Variants in UTRN observed in about 807,000 individuals in gnomAD.
UTRN encodes the protein utrophin, also known as dystrophin-related protein 1.
UTRN carries 283 observed loss-of-function variants against 463.9 expected under a neutral mutation model. The observed-to-expected ratio is 0.61, with a 90% CI of 0.55 to 0.67. UTRN has a LOEUF of 0.67. Among genes scored for constraint, UTRN ranks in the 30% least tolerant of loss-of-function variants. UTRN has a pLI of 0.00. For missense variants in UTRN, 3,922 were observed against 4,084.3 expected, an observed-to-expected ratio of 0.96 and a Z score of 1.08; for synonymous variants, 1,442 against 1,431.5, an observed-to-expected ratio of 1.01 and a Z score of -0.17.
chr6:144,391,518 A>G (rs927061136), intron 2 of UTRN, among the ~76,000 whole-genome samples: 1 of 152,230 alleles, frequency 6.6e-6, no homozygotes, highest in Admixed American at 6.5e-5. Flanking sequence ...GGTCATAATA[A>G]AGGCAAGTTT....
intron 60 of UTRN, among the ~76,000 whole-genome samples, chr6:144,780,551 C>T (rs1775732205): frequency 6.6e-6 from 1 of 152,100 alleles, no homozygotes; most frequent in South Asian, 2.1e-4. Context: ...AGAGTCATCT[C>T]CACACTCAAT....
chr6:144,514,381 T>G lies in UTRN; in HGVS notation c.5074-269T>G, dbSNP rs146347224. 8.6e-3 allele frequency among the ~76,000 whole-genome samples: 1,310 copies of G among 152,306 alleles called. 8 individuals carry two copies. Among genetic ancestry groups the G allele is most frequent in the Middle Eastern group, 0.037 (11 of 294 alleles). On this transcript the variant is annotated intron_variant, in intron 36 of 74. Coordinates refer to ENST00000367545, the MANE Select transcript of UTRN (RefSeq NM_007124.3). ...ACTTACTTTTGTATTCTCCAATGAGTCTGTCTTACTTCTGTACTCTCCAAT... is the reference window on the plus strand; with the variant it reads ...ACTTACTTTTGTATTCTCCAATGAGGCTGTCTTACTTCTGTACTCTCCAAT...
chr6:144,767,551 C>G (rs77279342), intron 58 of UTRN, among the ~76,000 whole-genome samples: 5,181 of 152,132 alleles, frequency 0.034, 278 homozygotes, highest in African/African-American at 0.12. Context: ...CACTCTCTGC[C>G]CTAGTTTTTT....
At chr6:144,634,848 T>C (rs1776933539) in intron 51 of UTRN, among the ~76,000 whole-genome samples, 3 of 152,216 alleles carry the variant, frequency 2.0e-5, no homozygotes, top group African/African-American at 7.2e-5. Flanking sequence ...TTGTGGTACT[T>C]TCCTTTCTCT....
intron 51 of UTRN, among the ~76,000 whole-genome samples, chr6:144,675,332 A>G (rs924322654): frequency 1.1e-4 from 17 of 152,164 alleles, no homozygotes; most frequent in African/African-American, 4.1e-4. Flanking sequence ...CCAGCCATGG[A>G]TAGTAGCACC....
At chr6:144,716,731 A>G (rs1449763500) in intron 53 of UTRN, among the ~76,000 whole-genome samples, 1 of 152,152 alleles carries the variant, frequency 6.6e-6, no homozygotes, top group Non-Finnish European at 1.5e-5. Context: ...TTGCATATTT[A>G]CCTTTTGCAT....
In UTRN at chr6:144,692,856, G is replaced by T. The variant is rs1783578304; in HGVS notation, c.7653-7231G>T. On this transcript the variant is annotated intron_variant, in intron 52 of 74. Coordinates refer to ENST00000367545, the MANE Select transcript of UTRN (RefSeq NM_007124.3). ...ATTCTGTATGTTTACTCTGTTGATA[G>T]TTTCTTTTGCTGTGCAGAAGCTCTT... 2.0e-5 allele frequency among the ~76,000 whole-genome samples: 3 copies of T among 152,020 alleles called. No homozygotes were observed. The South Asian group carries it at 6.2e-4, about 32-fold the overall frequency.
intron 51 of UTRN, among the ~76,000 whole-genome samples, chr6:144,616,383 A>C (rs1391535033): frequency 6.6e-6 from 1 of 152,192 alleles, no homozygotes; most frequent in African/African-American, 2.4e-5. Flanking sequence ...AGATGAGAGA[A>C]ATAACTGTTA....
At chr6:144,565,945 G>A (rs1472839654) in intron 50 of UTRN, among the ~76,000 whole-genome samples, 2 of 151,040 alleles carry the variant, frequency 1.3e-5, no homozygotes, top group Middle Eastern at 3.4e-3. Flanking sequence ...ATGGATTATA[G>A]TAAAGCATGT....
rs539559588 is a variant in UTRN, at chr6:144,701,685, T to G, written c.7809+1442T>G. On this transcript the variant is annotated intron_variant, in intron 53 of 74. Coordinates refer to ENST00000367545, the MANE Select transcript of UTRN (RefSeq NM_007124.3). ...ATCTGGTCATTTTAAGGTGACACTA[T>G]GATTCTATTTCCATTTTAAAAATGA... is the stretch of plus-strand genomic sequence containing the variant. 4.6e-5 allele frequency among the ~76,000 whole-genome samples: 7 copies of G among 152,336 alleles called. No homozygotes were observed. The East Asian group carries it at 1.3e-3, about 29-fold the overall frequency.
Position 144,692,807 on chromosome 6 carries a change from C to T in UTRN, c.7653-7280C>T, listed in dbSNP as rs1159718421. The stretch of plus-strand genomic sequence containing the variant: ...CTCAATATTAGACCTTTGTCAGATG[C>T]ATAGTTTGCAACAATTTTTTCCCAT... On this transcript the variant is annotated intron_variant, in intron 52 of 74. Coordinates refer to ENST00000367545, the MANE Select transcript of UTRN (RefSeq NM_007124.3). Among the ~76,000 whole-genome samples, 15 of 152,104 alleles carry T rather than the reference C, an allele frequency of 9.9e-5. 1 individual carries two copies. The highest frequency in any genetic ancestry group is 9.8e-4 in the Admixed American group (15 of 15,270).
intron 2 of UTRN, among the ~76,000 whole-genome samples, chr6:144,379,977 G>T (rs1324929645): frequency 1.3e-5 from 2 of 152,084 alleles, no homozygotes; most frequent in Non-Finnish European, 2.9e-5. Context: ...GGCAGGGAGT[G>T]TTCTATTCTG....
At position 144,770,327 on chromosome 6, in the gene UTRN, A is replaced by G. The variant is rs9390215; in HGVS notation, c.8496-1580A>G. 7.5e-4 allele frequency among the ~76,000 whole-genome samples: 114 copies of G among 152,300 alleles called. 2 individuals carry two copies. The East Asian group carries it at 0.018, about 24-fold the overall frequency. ...TGGGGTTTTTGTTACCTGTGTATAT[A>G]TAACAGTGATGATATTCTTTTCCCA... On this transcript the variant is annotated intron_variant, in intron 58 of 74. Coordinates refer to ENST00000367545, the MANE Select transcript of UTRN (RefSeq NM_007124.3).
intron 51 of UTRN, among the ~76,000 whole-genome samples, chr6:144,666,297 C>T (rs1389707695): frequency 6.6e-6 from 1 of 152,168 alleles, no homozygotes; most frequent in Non-Finnish European, 1.5e-5. Flanking sequence ...GCAAGCTTAG[C>T]CAGGACTTTG....
At chr6:144,756,157 A>C (rs1404336908) in intron 57 of UTRN, among the ~76,000 whole-genome samples, 1 of 152,170 alleles carries the variant, frequency 6.6e-6, no homozygotes, top group African/African-American at 2.4e-5. Flanking sequence ...TATACTTATT[A>C]GATTATTAAG....
chr6:144,364,497 A>G (rs535724365), intron 2 of UTRN, among the ~76,000 whole-genome samples: 5 of 152,324 alleles, frequency 3.3e-5, no homozygotes, highest in African/African-American at 9.6e-5. Flanking sequence ...TCAGGCACCC[A>G]CAGCTTTGCT....
At position 144,499,304 on chromosome 6, in the gene UTRN, G is replaced by A. The variant is rs763514158; in HGVS notation, c.4641G>A (p.Arg1547=). 6.2e-7 allele frequency: 1 copy of A among 1,613,458 alleles called. No individual in the cohort carries two copies. The highest frequency in any genetic ancestry group is 1.7e-5 in the Admixed American group (1 of 60,004). The change falls in exon 34 of 75, where the codon CGG becomes CGA. Residue 1547 remains arginine, a synonymous_variant. Coordinates refer to ENST00000367545, the MANE Select transcript of UTRN (RefSeq NM_007124.3). ...QDLERASQLA[R]KMKKEAASLS... ...TGGAAAGAGCATCACAGTTGGCCCG[G>A]AAAATGAAGAAAGAGGCTGCTTCTC...
rs184195293 is a variant in UTRN at position 144,603,455 on chromosome 6, A to T, written c.7479+26167A>T. On this transcript the variant is annotated intron_variant, in intron 51 of 74. Transcript: ENST00000367545. Reference sequence around the variant, plus strand: ...TAATTTTTATATCTTTGTTAATTTGAGCATTTTATGCATCAGTGATTACTT... The same window carrying T: ...TAATTTTTATATCTTTGTTAATTTGTGCATTTTATGCATCAGTGATTACTT... Among the ~76,000 whole-genome samples the T allele has an allele frequency of 4.4e-3, 677 of 152,260 alleles. 3 individuals carry two copies. Among genetic ancestry groups the T allele is most frequent in the Non-Finnish European group, 7.1e-3 (485 of 68,020 alleles).
chr6:144,385,185 A>G (rs1781302019), intron 2 of UTRN, among the ~76,000 whole-genome samples: 1 of 152,158 alleles, frequency 6.6e-6, no homozygotes. Context: ...GAAAAACGCT[A>G]GGTTTTGGGG....
Sources: allele counts gnomAD v4.1 joint callset (sites outside exome capture counted in the v4.1 genomes callset), GRCh38; gene constraint gnomAD v4.1.1; transcripts MANE v1.5; gene names NCBI Gene and HGNC (gene_info 2026-07-23, HGNC 2026-07-21).